The following ZNF704 variants were observed in gnomAD, a reference collection of about 807,000 sequenced individuals.
ZNF704 encodes the protein zinc finger protein 704.
ZNF704 carries 10 observed loss-of-function variants against 44.7 expected under a neutral mutation model. The ratio of observed to expected loss-of-function variants is 0.22; its 90% CI spans 0.14 to 0.38. The LOEUF is 0.38. Among genes scored for constraint, ZNF704 ranks in the 10% least tolerant of loss-of-function variants. The probability of loss-of-function intolerance (pLI) is 1.00; values close to 1 mark genes in which losing one functional copy is unlikely to be tolerated. For missense variants in ZNF704, 390 were observed against 545.5 expected, an observed-to-expected ratio of 0.71 and a Z score of 2.84; for synonymous variants, 211 against 207.6, an observed-to-expected ratio of 1.02 and a Z score of -0.14.
chr8:80,645,130 C>T (rs1194568980), intron 7 of ZNF704: 16 of 1,608,654 alleles, frequency 9.9e-6, no homozygotes, highest in South Asian at 2.2e-5. Context: ...TCAAACTCCT[C>T]GTCGTCGTAT....
chr8:80,678,233 A>C (rs1818400344), intron 4 of ZNF704, among the ~76,000 whole-genome samples: 2 of 152,198 alleles, frequency 1.3e-5, no homozygotes, highest in African/African-American at 4.8e-5. Flanking sequence ...GGCAGTTGCA[A>C]ATGTGGACTC....
At position 80,639,293 on chromosome 8, in the gene ZNF704, A is replaced by G. The variant is rs908449091; in HGVS notation, c.*2073T>C. 7.2e-5 allele frequency: 11 copies of G among 152,286 alleles called. No individual in the cohort carries two copies. The highest frequency in any genetic ancestry group is 2.4e-4 in the African/African-American group (10 of 41,470). The allele number at this position is 152,286 out of a possible 1,614,324, so 9.4% of individuals were successfully genotyped here. On this transcript the variant is annotated 3_prime_UTR_variant, in exon 9 of 9. Transcript: ENST00000327835. ...CCCAAGGCCACTGGGCAATCTGCCC[A>G]TGGCTCAGGGCTTCCTGGACCAGGC...
chr8:80,709,318 C>T (rs920008555), intron 2 of ZNF704, among the ~76,000 whole-genome samples: 32 of 151,632 alleles, frequency 2.1e-4, no homozygotes, highest in African/African-American at 7.5e-4. Flanking sequence ...GTGGCGGGCG[C>T]GTGTAGTCCC....
At chr8:80,848,245 G>C (rs1243888172) in intron 1 of ZNF704, among the ~76,000 whole-genome samples, 1 of 152,186 alleles carries the variant, frequency 6.6e-6, no homozygotes, top group Admixed American at 6.5e-5. Flanking sequence ...ACGGCGGAGA[G>C]GCAAGGAGAG....
At chr8:80,648,555 T>A (rs897138621) in intron 7 of ZNF704, among the ~76,000 whole-genome samples, 1 of 152,204 alleles carries the variant, frequency 6.6e-6, no homozygotes, top group African/African-American at 2.4e-5. Flanking sequence ...TATTATCTCT[T>A]TTAATTCTCA....
At chr8:80,758,716 A>C (rs1016802420) in intron 2 of ZNF704, among the ~76,000 whole-genome samples, 5 of 152,184 alleles carry the variant, frequency 3.3e-5, no homozygotes, top group Non-Finnish European at 7.4e-5. Flanking sequence ...GCATTTTATC[A>C]ATTCTAAAGC....
rs573133075 is a variant in ZNF704 at position 80,695,505 on chromosome 8, CCT to C, written c.222-2400_222-2399del. On this transcript the variant is annotated intron_variant, in intron 2 of 8. Coordinates refer to ENST00000327835, the MANE Select transcript of ZNF704 (RefSeq NM_001033723.3). ...AGGAGAGGGTCCCCTCGCCCCCTCCCCTGATTCTTACAATGACTTGCTAAACA... is the reference window on the plus strand; with the variant it reads ...AGGAGAGGGTCCCCTCGCCCCCTCCCGATTCTTACAATGACTTGCTAAACA... 4.3e-3 allele frequency among the ~76,000 whole-genome samples: 652 copies of C among 152,328 alleles called. 8 individuals are homozygous for C. Among genetic ancestry groups the C allele is most frequent in the African/African-American group, 0.013 (520 of 41,570 alleles).
chr8:80,866,038 G>A (rs945999663), intron 1 of ZNF704, among the ~76,000 whole-genome samples: 1 of 152,016 alleles, frequency 6.6e-6, no homozygotes, highest in Non-Finnish European at 1.5e-5. Flanking sequence ...ATTTCATCTA[G>A]TAAATAAGAG....
chr8:80,838,732 T>TGGAGGAGGAGGAGGAGGAGGA (rs140901931), intron 1 of ZNF704, among the ~76,000 whole-genome samples: 2 of 128,174 alleles, frequency 1.6e-5, no homozygotes, highest in African/African-American at 6.0e-5. Flanking sequence ...GAGCAGACAC[T>TGGAGGAGGAGGAGGAGGAGGA]GGAGGAGGAG....
chr8:80,736,791 C>G (rs1806674115), intron 2 of ZNF704, among the ~76,000 whole-genome samples: 1 of 152,084 alleles, frequency 6.6e-6, no homozygotes, highest in Non-Finnish European at 1.5e-5. Context: ...GGAATCACCA[C>G]TAAAGAACTT....
rs568229081 is a variant in ZNF704 at position 80,766,837 on chromosome 8, G to A, written c.221+54537C>T. On this transcript the variant is annotated intron_variant, in intron 2 of 8. Coordinates refer to ENST00000327835, the MANE Select transcript of ZNF704 (RefSeq NM_001033723.3). ...AAGCAATTCTCCTGCCTCAGCCTCC[G>A]GAGTAGCTGGGATTACAGGCATGCG... Among the ~76,000 whole-genome samples, 6 of 151,738 alleles carry A rather than the reference G, an allele frequency of 4.0e-5. No individual in the cohort carries two copies. The East Asian group carries it at 5.8e-4, about 15-fold the overall frequency.
chr8:80,752,730 A>G (rs1223771064), intron 2 of ZNF704, among the ~76,000 whole-genome samples: 1 of 152,012 alleles, frequency 6.6e-6, no homozygotes, highest in Non-Finnish European at 1.5e-5. Context: ...TAGTAGAGAA[A>G]GGGTTTCTCC....
chr8:80,876,338 T>A (rs978139713), upstream of ZNF704, among the ~76,000 whole-genome samples: 2 of 152,196 alleles, frequency 1.3e-5, no homozygotes, highest in Non-Finnish European at 2.9e-5. Context: ...AAGTGAATAA[T>A]CAGTATCAGC....
At chr8:80,781,770 A>G (rs1807527401) in intron 2 of ZNF704, among the ~76,000 whole-genome samples, 1 of 152,222 alleles carries the variant, frequency 6.6e-6, no homozygotes, top group Non-Finnish European at 1.5e-5. Context: ...GGCATGCCAT[A>G]GACTTAAAAA....
chr8:80,749,099 T>G (rs1478699083), intron 2 of ZNF704, among the ~76,000 whole-genome samples: 1 of 152,090 alleles, frequency 6.6e-6, no homozygotes, highest in Non-Finnish European at 1.5e-5. Context: ...CCCATCTACT[T>G]CCTAACTACT....
At chr8:80,865,325 T>G (rs991013639) in intron 1 of ZNF704, among the ~76,000 whole-genome samples, 3 of 152,158 alleles carry the variant, frequency 2.0e-5, no homozygotes, top group African/African-American at 7.2e-5. Flanking sequence ...AGTAAGTAAC[T>G]TGATGTAGCC....
intron 2 of ZNF704, among the ~76,000 whole-genome samples, chr8:80,736,063 C>T (rs180964462): frequency 6.6e-6 from 1 of 152,142 alleles, no homozygotes; most frequent in Admixed American, 6.5e-5. Flanking sequence ...GTGGTTTCTG[C>T]CTGTCAAGTG....
chr8:80,673,634 G>T (rs1472281645), intron 4 of ZNF704, among the ~76,000 whole-genome samples: 1 of 152,186 alleles, frequency 6.6e-6, no homozygotes, highest in Admixed American at 6.5e-5. Flanking sequence ...CGACTCATCA[G>T]CTATTACTGA....
chr8:80,873,137 A>AG (rs1344888365), intron 1 of ZNF704, among the ~76,000 whole-genome samples: 1 of 152,170 alleles, frequency 6.6e-6, no homozygotes, highest in Non-Finnish European at 1.5e-5. Context: ...AATAAGGAGA[A>AG]GGGGACACTC....
Sources: gnomAD v4.1 joint callset for allele counts (sites outside exome capture counted in the v4.1 genomes callset) on GRCh38, gnomAD v4.1.1 for gene constraint, MANE v1.5 for transcripts, NCBI Gene and HGNC (gene_info 2026-07-23, HGNC 2026-07-21) for gene names.